Variants in HMCN1 observed in about 807,000 individuals in gnomAD.
The protein encoded by HMCN1 is hemicentin 1.
A neutral mutation model predicts 625.9 loss-of-function variants in HMCN1; 321 were observed. The ratio of observed to expected loss-of-function variants is 0.51; its 90% CI spans 0.47 to 0.56. HMCN1 has a LOEUF of 0.56. HMCN1 is among the 20% of genes least tolerant of loss of function. HMCN1 has a pLI of 0.00. For synonymous variants in HMCN1, 2,425 were observed against 2,417.6 expected (o/e 1.00, Z -0.09); for missense variants, 6,588 against 6,887.3 (o/e 0.96, Z 1.54).
At position 186,019,419 on chromosome 1, in the gene HMCN1, T is replaced by A. The variant is rs913707834; in HGVS notation, c.5471-122T>A. 2.5e-5 allele frequency: 19 copies of A among 746,116 alleles called. No individual in the cohort carries two copies. The East Asian group carries it at 4.8e-4, about 19-fold the overall frequency. 46.2% of individuals were successfully genotyped at this position (746,116 alleles called of 1,614,324 possible). On this transcript the variant is annotated intron_variant, in intron 34 of 106. Transcript: ENST00000271588. The stretch of plus-strand genomic sequence containing the variant: ...TGCACATGATGAAAGTATTTCATTG[T>A]TAAAATAGGGATTTGCTTTTTTTTT...
At chr1:186,079,829 A>G (rs939756092) in intron 55 of HMCN1, among the ~76,000 whole-genome samples, 2 of 152,176 alleles carry the variant, frequency 1.3e-5, no homozygotes, top group Non-Finnish European at 2.9e-5. Context: ...AAGCAAGAAA[A>G]TTAACTGGTC....
intron 1 of HMCN1, among the ~76,000 whole-genome samples, chr1:185,803,268 TA>T (rs955992715): frequency 1.0e-5 from 1 of 96,780 alleles, no homozygotes; most frequent in Non-Finnish European, 2.4e-5. Context: ...TATAGTAAGA[TA>T]AAAAAGGGAA....
At chr1:186,068,599 G>A (rs1658278077) in intron 50 of HMCN1, among the ~76,000 whole-genome samples, 1 of 152,108 alleles carries the variant, frequency 6.6e-6, no homozygotes, top group Admixed American at 6.5e-5. Flanking sequence ...TGGGTGCGGT[G>A]GCTCACGCCT....
intron 6 of HMCN1, among the ~76,000 whole-genome samples, chr1:185,912,607 A>G (rs1421677284): frequency 1.3e-5 from 2 of 151,968 alleles, no homozygotes; most frequent in Admixed American, 1.3e-4. Context: ...CCAATCTAGT[A>G]TCTGCATTTC....
At chr1:185,885,527 T>C (rs1664590948) in intron 4 of HMCN1, among the ~76,000 whole-genome samples, 1 of 149,746 alleles carries the variant, frequency 6.7e-6, no homozygotes, top group South Asian at 2.1e-4. Flanking sequence ...GTTTTTTTTT[T>C]TCCTTTTCTC....
chr1:185,845,134 C>T (rs909754006), intron 1 of HMCN1, among the ~76,000 whole-genome samples: 1 of 152,200 alleles, frequency 6.6e-6, no homozygotes, highest in African/African-American at 2.4e-5. Context: ...CAGGCTCAGC[C>T]ACCCCAGCCA....
At chr1:186,051,156 TAAATC>T (rs1240739960) in intron 42 of HMCN1, among the ~76,000 whole-genome samples, 3 of 152,050 alleles carry the variant, frequency 2.0e-5, no homozygotes, top group African/African-American at 7.2e-5. Flanking sequence ...GAAGGCCTCT[TAAATC>T]AATTTAAAAA....
At chr1:186,038,776 TATTTA>T (rs1327571637) in intron 37 of HMCN1, 48 bp from the exon 38 acceptor site, 6 of 986,540 alleles carry the variant, frequency 6.1e-6, no homozygotes, top group Admixed American at 5.1e-5. Flanking sequence ...CAACTTAGTA[TATTTA>T]ATTTAAAAAA....
At chr1:186,076,219 T>C (rs964388535) in intron 53 of HMCN1, among the ~76,000 whole-genome samples, 5 of 152,154 alleles carry the variant, frequency 3.3e-5, no homozygotes, top group Non-Finnish European at 5.9e-5. Flanking sequence ...CTGAGCCTCA[T>C]ACTTCTTGTT....
At chr1:185,800,237 G>A (rs542014960) in intron 1 of HMCN1, among the ~76,000 whole-genome samples, 35 of 152,298 alleles carry the variant, frequency 2.3e-4, no homozygotes, top group Non-Finnish European at 3.8e-4. Context: ...AGCCAAGCAG[G>A]CTGCATTGCT....
chr1:185,929,913 C>T (rs1043554029), intron 10 of HMCN1, among the ~76,000 whole-genome samples: 5 of 152,174 alleles, frequency 3.3e-5, no homozygotes, highest in African/African-American at 1.2e-4. Flanking sequence ...CAACATTCCT[C>T]AGCTCCTGGG....
chr1:185,845,118 G>A (rs1374830700), intron 1 of HMCN1, among the ~76,000 whole-genome samples: 3 of 152,218 alleles, frequency 2.0e-5, no homozygotes, highest in Non-Finnish European at 4.4e-5. Context: ...GGAGAATGGC[G>A]ATAGCCAGGC....
At position 185,993,239 on chromosome 1, in the gene HMCN1, T is replaced by A; in HGVS notation, c.3435T>A (p.Ser1145Arg). 6.2e-7 allele frequency: 1 copy of A among 1,613,076 alleles called. No homozygotes were observed. Among genetic ancestry groups the A allele is most frequent in the South Asian group, 1.1e-5 (1 of 91,068 alleles). The change falls in exon 23 of 107, where the codon AGT becomes AGA. Residue 1145 changes from serine (S) to arginine (R), a missense_variant. By Grantham distance (110) the Ser-to-Arg change is moderately radical (BLOSUM62 -1). Transcript: ENST00000271588. Reference protein sequence around the residue: ...MKITETRTSDSGMYLCVATNI... With the variant: ...MKITETRTSDRGMYLCVATNI... Reference sequence around the variant, plus strand: ...TCACTGAAACCCGCACTTCAGATAGTGGGATGTATCTTTGTGTTGCCACAA... The same window carrying A: ...TCACTGAAACCCGCACTTCAGATAGAGGGATGTATCTTTGTGTTGCCACAA...
intron 43 of HMCN1, 120 bp downstream of exon 43, chr1:186,053,194 GA>G (rs1657083775): frequency 2.3e-6 from 2 of 883,824 alleles, no homozygotes; most frequent in Non-Finnish European, 3.6e-6. Context: ...CTAAATGCTA[GA>G]CAGCAAAATT....
chr1:186,155,654 G>A (rs1218931203), intron 97 of HMCN1, among the ~76,000 whole-genome samples: 1 of 152,130 alleles, frequency 6.6e-6, no homozygotes, highest in Non-Finnish European at 1.5e-5. Flanking sequence ...TTTGTTGGGG[G>A]ATCTGGGTCC....
chr1:186,164,072 A>G (rs941273940), intron 97 of HMCN1, among the ~76,000 whole-genome samples: 7 of 152,136 alleles, frequency 4.6e-5, no homozygotes, highest in Non-Finnish European at 8.8e-5. Context: ...ACACACACAC[A>G]CAGCAACCGT....
intron 1 of HMCN1, among the ~76,000 whole-genome samples, chr1:185,840,203 G>A (rs1418628038): frequency 2.6e-5 from 4 of 152,152 alleles, no homozygotes; most frequent in African/African-American, 9.7e-5. Context: ...ATGTATTGTA[G>A]ATAAACTGAA....
chr1:186,106,421 G>A (rs1558227847), intron 69 of HMCN1, among the ~76,000 whole-genome samples: 2 of 152,170 alleles, frequency 1.3e-5, no homozygotes, highest in Non-Finnish European at 1.5e-5. Context: ...TATATAAAAT[G>A]TAGAGTCAAG....
chr1:185,851,889 G>A (rs1037767224), intron 2 of HMCN1, among the ~76,000 whole-genome samples: 1 of 151,620 alleles, frequency 6.6e-6, no homozygotes, highest in African/African-American at 2.4e-5. Flanking sequence ...GCCAACTTTT[G>A]TATAAATTGT....
Sources: gnomAD v4.1 joint callset for allele counts (sites outside exome capture counted in the v4.1 genomes callset) on GRCh38, gnomAD v4.1.1 for gene constraint, MANE v1.5 for transcripts, NCBI Gene and HGNC (gene_info 2026-07-23, HGNC 2026-07-21) for gene names.